PLEKHG1: variants seen among roughly 807,000 people sequenced by gnomAD.
The protein encoded by PLEKHG1 is pleckstrin homology and RhoGEF domain containing G1, also known as pleckstrin homology domain-containing family G member 1.
PLEKHG1 carries 44 observed loss-of-function variants against 100.8 expected under a neutral mutation model. The ratio of observed to expected loss-of-function variants is 0.44; its 90% CI spans 0.34 to 0.56. The LOEUF is 0.56. PLEKHG1 is among the 20% of genes least tolerant of loss of function. The probability of loss-of-function intolerance (pLI) is 0.01; values close to 1 mark genes in which losing one functional copy is unlikely to be tolerated. For synonymous variants in PLEKHG1, 640 were observed against 662.5 expected (o/e 0.97, Z 0.52); for missense variants, 1,545 against 1,720.9 (o/e 0.90, Z 1.81).
intron 2 of PLEKHG1, among the ~76,000 whole-genome samples, chr6:150,757,154 C>A (rs963496372): frequency 6.6e-6 from 1 of 152,090 alleles, no homozygotes; most frequent in Non-Finnish European, 1.5e-5. Flanking sequence ...CCCACTACCA[C>A]GCCGAGCAAT....
intron 3 of PLEKHG1, among the ~76,000 whole-genome samples, chr6:150,674,476 C>G (rs1025110720): frequency 6.6e-6 from 1 of 152,130 alleles, no homozygotes; most frequent in Non-Finnish European, 1.5e-5. Context: ...ATAAACTCTT[C>G]TAAGAATTAT....
Position 150,809,091 on chromosome 6 carries a change from A to T in PLEKHG1, c.913-14A>T. On this transcript the variant is annotated splice_polypyrimidine_tract_variant and intron_variant, in intron 7 of 15. Coordinates refer to ENST00000358517, the Ensembl canonical transcript of PLEKHG1. Reference sequence around the variant, plus strand: ...CTGCCTCCTGTAAATGCCATGGCCCATTCCCTTTCTCAGGAGATACAGAGT... The same window carrying T: ...CTGCCTCCTGTAAATGCCATGGCCCTTTCCCTTTCTCAGGAGATACAGAGT... The T allele has an allele frequency of 6.2e-7, 1 of 1,608,734 alleles. No homozygotes were observed. Among genetic ancestry groups the T allele is most frequent in the African/African-American group, 1.3e-5 (1 of 74,944 alleles).
chr6:150,771,006 C>T, intron 3 of PLEKHG1, among the ~76,000 whole-genome samples: 1 of 152,204 alleles, frequency 6.6e-6, no homozygotes, highest in East Asian at 1.9e-4. Context: ...CAGCCACGTG[C>T]CCTCCTGCCA....
chr6:150,654,366 G>A (rs993811589), intron 3 of PLEKHG1, among the ~76,000 whole-genome samples: 13 of 152,206 alleles, frequency 8.5e-5, no homozygotes, highest in South Asian at 4.1e-4. Flanking sequence ...TCAGCACAGC[G>A]GTGCTCAGTA....
At chr6:150,809,207 C>T in exon 8 of PLEKHG1, 1 of 1,613,126 alleles carries the variant, frequency 6.2e-7, no homozygotes. Flanking sequence ...CAAGAATGAG[C>T]GGACGCTCTT....
chr6:150,699,101 T>C (rs1363619375), intron 3 of PLEKHG1, among the ~76,000 whole-genome samples: 7 of 152,234 alleles, frequency 4.6e-5, no homozygotes, highest in African/African-American at 1.7e-4. Flanking sequence ...CCCTGTGGAC[T>C]GGACCAATGT....
intron 2 of PLEKHG1, among the ~76,000 whole-genome samples, chr6:150,746,950 T>A (rs911564166): frequency 6.6e-5 from 10 of 152,196 alleles, no homozygotes; most frequent in Admixed American, 6.5e-4. Context: ...CTTTTTATTC[T>A]CTTAGGCTTT....
At chr6:150,796,634 T>G (rs1234999872) in intron 5 of PLEKHG1, among the ~76,000 whole-genome samples, 1 of 152,206 alleles carries the variant, frequency 6.6e-6, no homozygotes, top group African/African-American at 2.4e-5. Flanking sequence ...ATTTAACTTT[T>G]CAAAGCAATC....
chr6:150,634,312 A>G (rs1174445405), intron 1 of PLEKHG1, among the ~76,000 whole-genome samples: 2 of 152,102 alleles, frequency 1.3e-5, no homozygotes, highest in African/African-American at 2.4e-5. Flanking sequence ...AAGCAGCCAC[A>G]TGGGAGGTAG....
At chr6:150,810,651 G>T (rs1375054178) in intron 10 of PLEKHG1, among the ~76,000 whole-genome samples, 4 of 152,166 alleles carry the variant, frequency 2.6e-5, no homozygotes, top group African/African-American at 9.6e-5. Context: ...CAGGCACAGT[G>T]GCTCACTTTG....
chr6:150,603,659 T>C (rs1776463505), intron 1 of PLEKHG1, among the ~76,000 whole-genome samples: 1 of 152,056 alleles, frequency 6.6e-6, no homozygotes, highest in Admixed American at 6.5e-5. Flanking sequence ...CTTTTCAATA[T>C]GTAAACCTAA....
chr6:150,833,161 G>A (rs1211553890), intron 15 of PLEKHG1, among the ~76,000 whole-genome samples: 3 of 151,588 alleles, frequency 2.0e-5, no homozygotes, highest in Non-Finnish European at 4.4e-5. Flanking sequence ...TCCCACCTCA[G>A]CCTCTCTAGT....
At chr6:150,645,969 A>T (rs1405004215) in intron 2 of PLEKHG1, among the ~76,000 whole-genome samples, 1 of 152,264 alleles carries the variant, frequency 6.6e-6, no homozygotes. Context: ...CAAACTGGAT[A>T]CATATAGTCT....
At chr6:150,734,229 G>T in intron 2 of PLEKHG1, 137 bp downstream of exon 3, 1 of 873,644 alleles carries the variant, frequency 1.1e-6, no homozygotes, top group Non-Finnish European at 1.8e-6. Context: ...AGAGTAATAA[G>T]AGAAACCCTA....
chr6:150,773,354 T>G (rs1341289182), intron 3 of PLEKHG1, among the ~76,000 whole-genome samples: 1 of 152,060 alleles, frequency 6.6e-6, no homozygotes, highest in Non-Finnish European at 1.5e-5. Flanking sequence ...GCTAATACAG[T>G]GAAACCCTGT....
Position 150,819,793 on chromosome 6 carries a change from TAA to T in PLEKHG1, c.1408+23_1408+24del, listed in dbSNP as rs558717709. 756 of 1,387,704 alleles carry T rather than the reference TAA, an allele frequency of 5.4e-4. 1 individual carries two copies. Among genetic ancestry groups the T allele is most frequent in the East Asian group, 2.6e-3 (112 of 43,834 alleles). The allele number at this position is 1,387,704 out of a possible 1,614,324, so 86.0% of individuals were successfully genotyped here. A position where few individuals can be genotyped will look rare whatever the true frequency, so the allele number is the denominator to read the frequency against. Reference sequence around the variant, plus strand: ...AAATCTGGTAAGTAAGATGTTGTCATAAAAATTTAATTCTAATGGGGGACTGG... The same window carrying T: ...AAATCTGGTAAGTAAGATGTTGTCATAAATTTAATTCTAATGGGGGACTGG... On this transcript the variant is annotated intron_variant, in intron 12 of 15. Transcript: ENST00000358517.
chr6:150,712,424 A>C (rs895093002), intron 3 of PLEKHG1, among the ~76,000 whole-genome samples: 3 of 152,136 alleles, frequency 2.0e-5, no homozygotes, highest in Non-Finnish European at 4.4e-5. Context: ...TTATATTTTA[A>C]CCACACAAAT....
chr6:150,661,264 C>T lies in PLEKHG1; in HGVS notation c.-99+10478C>T, dbSNP rs117489905. On this transcript the variant is annotated intron_variant, in intron 3 of 3. Transcript: ENST00000367326. ...CAAAATATCTCTCTCAACAACATTC[C>T]GAAGAAAATCTTCAAAAAGTTTTTA... is the stretch of plus-strand genomic sequence containing the variant. Among the ~76,000 whole-genome samples, 733 of 152,212 alleles carry T rather than the reference C, an allele frequency of 4.8e-3. 1 individual carries two copies. The highest frequency in any genetic ancestry group is 0.014 in the Middle Eastern group (4 of 294).
chr6:150,674,684 C>CCTCTCT (rs1210102843), intron 3 of PLEKHG1, among the ~76,000 whole-genome samples: 1 of 73,396 alleles, frequency 1.4e-5, no homozygotes, highest in African/African-American at 5.8e-5. Context: ...TCTCTCTCTC[C>CCTCTCT]CCCCTCTTCT....
Sources: allele counts gnomAD v4.1 joint callset (sites outside exome capture counted in the v4.1 genomes callset), GRCh38; gene constraint gnomAD v4.1.1; transcripts MANE v1.5; gene names NCBI Gene and HGNC (gene_info 2026-07-23, HGNC 2026-07-21).